SGSM2: variants seen among roughly 807,000 people sequenced by gnomAD.
SGSM2 encodes RUN and TBC1 domain containing 1.
Under a neutral mutation model 126.6 loss-of-function variants are expected in SGSM2, and 89 were observed. The ratio of observed to expected loss-of-function variants is 0.70; its 90% CI spans 0.59 to 0.84. The LOEUF (loss-of-function observed/expected upper bound fraction) is 0.84, where lower values mean the gene tolerates loss of function less well. Ranked by LOEUF, SGSM2 falls within the 40% of genes least tolerant of loss-of-function variation. The probability of loss-of-function intolerance (pLI) is 0.00; values close to 1 mark genes in which losing one functional copy is unlikely to be tolerated. For synonymous variants in SGSM2, 614 were observed against 574.3 expected, an observed-to-expected ratio of 1.07 and a Z score of -0.99; for missense variants, 1,404 against 1,416.6, an observed-to-expected ratio of 0.99 and a Z score of 0.14.
intron 2 of SGSM2, among the ~76,000 whole-genome samples, chr17:2,360,350 A>C (rs908415844): frequency 6.6e-6 from 1 of 152,070 alleles, no homozygotes; most frequent in Admixed American, 6.6e-5. Context: ...CTGTCTCAAA[A>C]ATAAAAATAA....
Position 2,364,075 on chromosome 17 carries a change from C to G in SGSM2, c.824C>G (p.Ala275Gly). 1 of 1,614,066 alleles carries G rather than the reference C, an allele frequency of 6.2e-7. No individual in the cohort carries two copies. Among genetic ancestry groups the G allele is most frequent in the Non-Finnish European group, 8.5e-7 (1 of 1,180,000 alleles). The change falls in exon 8 of 24, where the codon GCG becomes GGG. Residue 275 changes from alanine to glycine, a missense_variant. Ala to Gly is a moderately conservative substitution (Grantham distance 60). Transcript: ENST00000268989. The part of the protein sequence containing the change: ...VLVQPKEDME[A>G]VPGYLSLHQS... ...CCGCTGTAGAAGGAGGATATGGAGGCGGTCCCTGGCTACCTCTCCCTGCAC... is the reference window on the plus strand; with the variant it reads ...CCGCTGTAGAAGGAGGATATGGAGGGGGTCCCTGGCTACCTCTCCCTGCAC...
chr17:2,357,651 C>A (rs528554002), intron 2 of SGSM2, among the ~76,000 whole-genome samples: 1 of 152,126 alleles, frequency 6.6e-6, no homozygotes, highest in Non-Finnish European at 1.5e-5. Context: ...GTGCCCACCA[C>A]GACACCCGGC....
At chr17:2,371,529 C>T in intron 13 of SGSM2, 114 bp downstream of exon 13, 1 of 1,303,648 alleles carries the variant, frequency 7.7e-7, no homozygotes, top group Non-Finnish European at 1.0e-6. Context: ...TAGAGTGGGA[C>T]AGATCTGGGT....
In SGSM2 at chr17:2,379,685, G is replaced by T; in HGVS notation, c.*165G>T. 1 of 1,431,692 alleles carries T rather than the reference G, an allele frequency of 7.0e-7. No homozygotes were observed. Among genetic ancestry groups the T allele is most frequent in the African/African-American group, 1.4e-5 (1 of 70,236 alleles). 88.7% of individuals were successfully genotyped at this position (1,431,692 alleles called of 1,614,324 possible). ...CTCCCGGCAGTGCTGACCCTGCAGG[G>T]CAAGTCAGGGGCCAGGATGCCCTCG... On this transcript the variant is annotated 3_prime_UTR_variant, in exon 24 of 24. Coordinates refer to ENST00000268989, the MANE Select transcript of SGSM2 (RefSeq NM_014853.3).
intron 2 of SGSM2, among the ~76,000 whole-genome samples, chr17:2,359,763 C>T (rs762165890): frequency 1.1e-4 from 16 of 152,132 alleles, no homozygotes; most frequent in Non-Finnish European, 2.1e-4. Context: ...CTCATTATCC[C>T]GGCAATTAAT....
chr17:2,342,968 C>T (rs896157823), intron 1 of SGSM2, among the ~76,000 whole-genome samples: 1 of 152,082 alleles, frequency 6.6e-6, no homozygotes, highest in African/African-American at 2.4e-5. Flanking sequence ...CAGAGCGAGA[C>T]TCCATCTCAA....
At position 2,363,757 on chromosome 17, in the gene SGSM2, C is replaced by T; in HGVS notation, c.807+158C>T. The T allele has an allele frequency of 2.6e-6, 3 of 1,163,312 alleles. No individual in the cohort carries two copies. In the Admixed American group the frequency reaches 7.9e-5, roughly 31 times the overall value. The allele number at this position is 1,163,312 out of a possible 1,614,324, so 72.1% of individuals were successfully genotyped here. A position where few individuals can be genotyped will look rare whatever the true frequency, so the allele number is the denominator to read the frequency against. ...CTCCCTGTTTCACACGACTCACGCCCAGCCTTTAGTTGGCAGGGGACAGGA... is the reference window on the plus strand; with the variant it reads ...CTCCCTGTTTCACACGACTCACGCCTAGCCTTTAGTTGGCAGGGGACAGGA... On this transcript the variant is annotated intron_variant, in intron 7 of 23. Coordinates refer to ENST00000268989, the MANE Select transcript of SGSM2 (RefSeq NM_014853.3). This position sits in a 1 kb window ranked among gnomAD's most constrained non-coding sequence, Gnocchi z 4.2.
chr17:2,338,755 GTCTCTA>G (rs1457556862), intron 1 of SGSM2, among the ~76,000 whole-genome samples: 1 of 123,396 alleles, frequency 8.1e-6, no homozygotes, highest in Non-Finnish European at 1.7e-5. Flanking sequence ...GTGACCTTGA[GTCTCTA>G]TGCCGTCTCC....
At position 2,363,340 on chromosome 17, in the gene SGSM2, G is replaced by A; in HGVS notation, c.673-125G>A. 1 of 1,469,790 alleles carries A rather than the reference G, an allele frequency of 6.8e-7. No individual in the cohort carries two copies. The highest frequency in any genetic ancestry group is 9.2e-7 in the Non-Finnish European group (1 of 1,090,046). 91.0% of individuals were successfully genotyped at this position (1,469,790 alleles called of 1,614,324 possible). A position where few individuals can be genotyped will look rare whatever the true frequency, so the allele number is the denominator to read the frequency against. On this transcript the variant is annotated intron_variant, in intron 6 of 23. Coordinates refer to ENST00000268989, the MANE Select transcript of SGSM2 (RefSeq NM_014853.3). The surrounding 1 kb of genome is among the most constrained non-coding windows in gnomAD (Gnocchi z 4.2). The stretch of plus-strand genomic sequence containing the variant: ...TGGCTGGAGAGCAGAGGGTGGCTGG[G>A]AGTAAACCGGGGCAGGAAGGACCCC...
At chr17:2,338,175 C>A (rs1358064106) in intron 1 of SGSM2, among the ~76,000 whole-genome samples, 2 of 152,126 alleles carry the variant, frequency 1.3e-5, no homozygotes, top group Non-Finnish European at 2.9e-5. Flanking sequence ...AAGTGGGTGT[C>A]GTGCGGGCTG....
intron 1 of SGSM2, among the ~76,000 whole-genome samples, chr17:2,338,631 G>A (rs2064196956): frequency 6.6e-6 from 1 of 152,004 alleles, no homozygotes; most frequent in Non-Finnish European, 1.5e-5. Context: ...TCCAGTGCCT[G>A]GCATACTGTA....
chr17:2,367,897 G>A lies in SGSM2; in HGVS notation c.1423+492G>A, dbSNP rs902339674. Among the ~76,000 whole-genome samples, 8 of 152,200 alleles carry A rather than the reference G, an allele frequency of 5.3e-5. No individual in the cohort carries two copies. The highest frequency in any genetic ancestry group is 5.9e-5 in the Non-Finnish European group (4 of 68,020). ...GGCGAGGGGTTGAGGGCTGCCATGC[G>A]AAGGGCCCCAGGGCTCAGTCTTCCC... On this transcript the variant is annotated intron_variant, in intron 12 of 23. Coordinates refer to ENST00000268989, the MANE Select transcript of SGSM2 (RefSeq NM_014853.3). The surrounding 1 kb of genome is among the most constrained non-coding windows in gnomAD (Gnocchi z 4.0).
At position 2,365,372 on chromosome 17, in the gene SGSM2, G is replaced by A. The variant is rs1249215658; in HGVS notation, c.1288+31G>A. 7.3e-6 allele frequency: 11 copies of A among 1,512,402 alleles called. No individual in the cohort carries two copies. The East Asian group carries it at 2.2e-4, about 30-fold the overall frequency. 93.7% of individuals were successfully genotyped at this position (1,512,402 alleles called of 1,614,324 possible). A position where few individuals can be genotyped will look rare whatever the true frequency, so the allele number is the denominator to read the frequency against. Reference sequence around the variant, plus strand: ...TGTCCCGAGCTTCATCCCGGGGGAGGAGAGGAAGACGCTCTGGGAGGCGGG... The same window carrying A: ...TGTCCCGAGCTTCATCCCGGGGGAGAAGAGGAAGACGCTCTGGGAGGCGGG... On this transcript the variant is annotated intron_variant, in intron 11 of 23. Transcript: ENST00000268989.
chr17:2,362,024 G>C lies in SGSM2; in HGVS notation c.297-85G>C. The C allele has an allele frequency of 6.7e-7, 1 of 1,501,280 alleles. No homozygotes were observed. Among genetic ancestry groups the C allele is most frequent in the Non-Finnish European group, 8.9e-7 (1 of 1,118,672 alleles). 93.0% of individuals were successfully genotyped at this position (1,501,280 alleles called of 1,614,324 possible). A position where few individuals can be genotyped will look rare whatever the true frequency, so the allele number is the denominator to read the frequency against. Reference sequence around the variant, plus strand: ...GTCAGTTCTCTGTGCTCCCATCTTGGGGTACCAAGCCCCACTCCCAATGCC... The same window carrying C: ...GTCAGTTCTCTGTGCTCCCATCTTGCGGTACCAAGCCCCACTCCCAATGCC... On this transcript the variant is annotated intron_variant, in intron 3 of 23. Coordinates refer to ENST00000268989, the MANE Select transcript of SGSM2 (RefSeq NM_014853.3). This position sits in a 1 kb window ranked among gnomAD's most constrained non-coding sequence, Gnocchi z 4.9.
chr17:2,378,908 A>ATCAGCC, intron 22 of SGSM2, 128 bp from the exon 23 acceptor site: 2 of 1,155,838 alleles, frequency 1.7e-6, no homozygotes, highest in Non-Finnish European at 2.4e-6. Flanking sequence ...TCCGGCCAGC[A>ATCAGCC]TCAGCCCCAG....
At position 2,361,681 on chromosome 17, in the gene SGSM2, G is replaced by A. The variant is rs907633206; in HGVS notation, c.178G>A (p.Ala60Thr). The A allele has an allele frequency of 7.4e-6, 12 of 1,613,832 alleles. No individual in the cohort carries two copies. Among genetic ancestry groups the A allele is most frequent in the African/African-American group, 4.0e-5 (3 of 74,928 alleles). ...CLLHQLRRRA[A>T]GFLRSDKMAA... ...CTTGCATCAGCTGAGACGCCGTGCC[G>A]CTGGCTTCCTGCGCAGTGACAAGAT... The change falls in exon 3 of 24, where the codon GCT becomes ACT. Residue 60 changes from alanine (A) to threonine (T), a missense_variant. Ala to Thr is a moderately conservative substitution (Grantham distance 58). Coordinates refer to ENST00000268989, the MANE Select transcript of SGSM2 (RefSeq NM_014853.3).
chr17:2,364,223 G>A (rs754364695), intron 8 of SGSM2, 40 bp downstream of exon 8: 2 of 1,611,792 alleles, frequency 1.2e-6, no homozygotes, highest in Non-Finnish European at 1.7e-6. Context: ...CCAGGGCAGG[G>A]AGTGGGTTTG....
chr17:2,364,934 C>T lies in SGSM2; in HGVS notation c.1038C>T (p.Gly346=). ...GGTLVLVSQD[G]IQRPPLHFPQ... ...CGCTTGTGCTGGTGAGCCAGGATGGCATCCAGAGGCCGCCGCTGCATTTCC... is the reference window on the plus strand; with the variant it reads ...CGCTTGTGCTGGTGAGCCAGGATGGTATCCAGAGGCCGCCGCTGCATTTCC... Residue 346 remains glycine (G), a synonymous_variant, in exon 10 of 24, where the codon GGC becomes GGT. Coordinates refer to ENST00000268989, the MANE Select transcript of SGSM2 (RefSeq NM_014853.3). The T allele has an allele frequency of 6.2e-7, 1 of 1,612,454 alleles. No individual in the cohort carries two copies. The highest frequency in any genetic ancestry group is 2.2e-5 in the East Asian group (1 of 44,874).
intron 1 of SGSM2, among the ~76,000 whole-genome samples, chr17:2,342,960 G>C (rs561710605): frequency 6.6e-6 from 1 of 152,312 alleles, no homozygotes; most frequent in South Asian, 2.1e-4. Flanking sequence ...CTGGGCAACA[G>C]AGCGAGACTC....
Sources: gnomAD v4.1 joint callset for allele counts (sites outside exome capture counted in the v4.1 genomes callset) on GRCh38, gnomAD v4.1.1 for gene constraint, Gnocchi (gnomAD v3.1) non-coding constraint, MANE v1.5 for transcripts, NCBI Gene and HGNC (gene_info 2026-07-23, HGNC 2026-07-21) for gene names.